Variants in CLPTM1L observed in about 807,000 individuals in gnomAD.
CLPTM1L encodes lipid scramblase CLPTM1L.
Under a neutral mutation model 70.9 loss-of-function variants are expected in CLPTM1L, and 38 were observed. The ratio of observed to expected loss-of-function variants is 0.54; its 90% confidence interval spans 0.41 to 0.70. The LOEUF (loss-of-function observed/expected upper bound fraction) is 0.70, where lower values mean the gene tolerates loss of function less well. CLPTM1L is among the 30% of genes least tolerant of loss of function. The pLI, the probability that CLPTM1L is intolerant of heterozygous loss-of-function variation, is 0.00. For synonymous variants in CLPTM1L, 339 were observed against 299.9 expected (o/e 1.13, Z -1.35); for missense variants, 652 against 705.9 (o/e 0.92, Z 0.87).
chr5:1,331,709 C>G (rs917428835), intron 8 of CLPTM1L, 90 bp downstream of exon 8: 10 of 1,117,528 alleles, frequency 8.9e-6, no homozygotes, highest in Non-Finnish European at 1.4e-5. Context: ...GTGTCTGCAG[C>G]CAGCAGTGAG....
intron 9 of CLPTM1L, 102 bp downstream of exon 9, chr5:1,330,178 C>T: frequency 1.1e-6 from 1 of 917,660 alleles, no homozygotes; most frequent in Non-Finnish European, 1.8e-6. Flanking sequence ...AACAAGCACA[C>T]AGGCTTCCAC....
intron 1 of CLPTM1L, 112 bp from the exon 2 acceptor site, chr5:1,344,563 G>T: frequency 6.9e-7 from 1 of 1,451,734 alleles, no homozygotes; most frequent in South Asian, 1.2e-5. Context: ...ACCAGGAAAG[G>T]TTCCATCTCG....
intron 8 of CLPTM1L, 175 bp from the exon 9 acceptor site, chr5:1,330,558 G>A: frequency 1.7e-6 from 1 of 593,356 alleles, no homozygotes; most frequent in South Asian, 2.1e-5. Flanking sequence ...TCAGCAGCTA[G>A]GAAAGTGTTT....
intron 8 of CLPTM1L, 96 bp from the exon 9 acceptor site, chr5:1,330,479 C>T: frequency 1.1e-6 from 1 of 920,472 alleles, no homozygotes. Flanking sequence ...CATCCCAACC[C>T]ACCACGCCCA....
intron 10 of CLPTM1L, chr5:1,325,428 C>T (rs1298591722): frequency 2.4e-6 from 1 of 409,218 alleles, no homozygotes; most frequent in African/African-American, 2.0e-5. Flanking sequence ...CCAGTCAGCA[C>T]CAGCCTCGGG....
At chr5:1,337,870 A>G (rs769555981) in intron 5 of CLPTM1L, 34 bp downstream of exon 5, 53 of 1,522,506 alleles carry the variant, frequency 3.5e-5, no homozygotes, top group Non-Finnish European at 4.0e-5. Flanking sequence ...GTGTCTCGCC[A>G]GCTGCACAAC....
intron 16 of CLPTM1L, 180 bp downstream of exon 16, chr5:1,320,436 G>T: frequency 2.0e-6 from 1 of 489,570 alleles, no homozygotes; most frequent in Non-Finnish European, 3.6e-6. Flanking sequence ...TTCTTGCCAG[G>T]ACATATCATG....
Position 1,344,271 on chromosome 5 carries a change from T to A in CLPTM1L, c.263+80A>T, listed in dbSNP as rs564765175. 3 of 944,528 alleles carry A rather than the reference T, an allele frequency of 3.2e-6. No homozygotes were observed. The African/African-American group carries it at 4.8e-5, about 15-fold the overall frequency. 58.5% of individuals were successfully genotyped at this position (944,528 alleles called of 1,614,324 possible). A position where few individuals can be genotyped will look rare whatever the true frequency, so the allele number is the denominator to read the frequency against. On this transcript the variant is annotated intron_variant, in intron 2 of 16. Transcript: ENST00000320895. ...CTAGTTCTCTAAAATAAACATGTTA[T>A]GTACAGAAAGCTAACTTTTAAACAA...
intron 7 of CLPTM1L, 55 bp from the exon 8 acceptor site, chr5:1,331,938 T>C (rs1277143788): frequency 9.7e-6 from 14 of 1,447,376 alleles, no homozygotes; most frequent in Admixed American, 1.7e-5. Flanking sequence ...CCATCTCCTG[T>C]GAGACAGAGA....
rs368342519 is a variant in CLPTM1L at position 1,334,295 on chromosome 5, C to A, written c.885G>T (p.Ala295=). 1 of 1,613,290 alleles carries A rather than the reference C, an allele frequency of 6.2e-7. No homozygotes were observed. The highest frequency in any genetic ancestry group is 1.7e-5 in the Admixed American group (1 of 59,990). The change falls in exon 7 of 17, where the codon GCG becomes GCT. Residue 295 remains alanine (A), a synonymous_variant. Coordinates refer to ENST00000320895, the MANE Select transcript of CLPTM1L (RefSeq NM_030782.5). ...YFLALTFFVA[A]FHLLFDFLAF... ...CCCCCGGTGGATGACTCACATGGAACGCTGCGACAAAGAAGGTCAGCGCCA... is the reference window on the plus strand; with the variant it reads ...CCCCCGGTGGATGACTCACATGGAAAGCTGCGACAAAGAAGGTCAGCGCCA...
At chr5:1,326,065 T>C (rs960068115) in intron 9 of CLPTM1L, 17 of 523,322 alleles carry the variant, frequency 3.2e-5, no homozygotes, top group African/African-American at 2.5e-4. Flanking sequence ...AAAAACAGCA[T>C]GTGAGGGCAG....
chr5:1,344,816 G>C lies in CLPTM1L; in HGVS notation c.26C>G (p.Thr9Ser). 1 of 1,586,818 alleles carries C rather than the reference G, an allele frequency of 6.3e-7. No individual in the cohort carries two copies. The highest frequency in any genetic ancestry group is 1.1e-5 in the South Asian group (1 of 87,400). ...CACGAACACGCCCACCACCAAGCTGGTGAAGGAGCTGCGGCCGCTCCACAT... is the reference window on the plus strand; with the variant it reads ...CACGAACACGCCCACCACCAAGCTGCTGAAGGAGCTGCGGCCGCTCCACAT... MWSGRSSF[T>S]SLVVGVFVVY... The change falls in exon 1 of 17, where the codon ACC becomes AGC. Residue 9 changes from threonine (T) to serine (S), a missense_variant. By Grantham distance (58) the Thr-to-Ser change is moderately conservative. Transcript: ENST00000320895.
chr5:1,334,981 T>C, intron 6 of CLPTM1L, 76 bp downstream of exon 6: 5 of 1,098,704 alleles, frequency 4.6e-6, no homozygotes, highest in Non-Finnish European at 6.9e-6. Context: ...CCCCGGCCTG[T>C]GTCAGGATTC....
chr5:1,324,760 T>C lies in CLPTM1L; in HGVS notation c.1197+3A>G. 6.2e-7 allele frequency: 1 copy of C among 1,614,024 alleles called. No homozygotes were observed. Among genetic ancestry groups the C allele is most frequent in the Non-Finnish European group, 8.5e-7 (1 of 1,179,844 alleles). The stretch of plus-strand genomic sequence containing the variant: ...CACGTGCCCTGAATCACAAGTGACT[T>C]ACCTGAGTATCGTACTCCTCGGTTT... On this transcript the variant is annotated splice_donor_region_variant and intron_variant, in intron 11 of 16. Coordinates refer to ENST00000320895, the MANE Select transcript of CLPTM1L (RefSeq NM_030782.5).
chr5:1,333,398 G>A (rs1405012180), intron 7 of CLPTM1L, among the ~76,000 whole-genome samples: 3 of 146,066 alleles, frequency 2.1e-5, no homozygotes, highest in East Asian at 2.0e-4. Flanking sequence ...AGGATAAGGG[G>A]GGACTACTGT....
chr5:1,339,953 C>T (rs1449062572), intron 3 of CLPTM1L, among the ~76,000 whole-genome samples: 2 of 151,320 alleles, frequency 1.3e-5, no homozygotes, highest in Non-Finnish European at 2.9e-5. Context: ...AAACCGCGCC[C>T]GGACAGCAGG....
rs1752087467 is a variant in CLPTM1L at position 1,320,529 on chromosome 5, C to T, written c.1532+87G>A. ...TTTCCCTCAAATGGATAAACAGGCG[C>T]AGGGTGCGGTGAAAGCCGTCATTCC... On this transcript the variant is annotated intron_variant, in intron 16 of 16. Transcript: ENST00000320895. 3 of 656,666 alleles carry T rather than the reference C, an allele frequency of 4.6e-6. No individual in the cohort carries two copies. The South Asian group carries it at 7.3e-5, about 16-fold the overall frequency. 40.7% of individuals were successfully genotyped at this position (656,666 alleles called of 1,614,324 possible). A position where few individuals can be genotyped will look rare whatever the true frequency, so the allele number is the denominator to read the frequency against.
At position 1,342,009 on chromosome 5, in the gene CLPTM1L, CGTGTGTGT is replaced by C. The variant is rs71598674; in HGVS notation, c.264-157_264-150del. On this transcript the variant is annotated intron_variant, in intron 2 of 16. Coordinates refer to ENST00000320895, the MANE Select transcript of CLPTM1L (RefSeq NM_030782.5). This position sits in a 1 kb window ranked among gnomAD's most constrained non-coding sequence, Gnocchi z 4.3. ...CCCACCTGCCCAGGGCTTTACGAGT[CGTGTGTGT>C]GTGTGTGTGTGTGTGTGTGTGTGCA... 45 of 503,206 alleles carry C rather than the reference CGTGTGTGT, an allele frequency of 8.9e-5. No homozygotes were observed. Among genetic ancestry groups the C allele is most frequent in the South Asian group, 1.3e-4 (5 of 38,696 alleles). The allele number at this position is 503,206 out of a possible 1,614,324, so 31.2% of individuals were successfully genotyped here.
intron 5 of CLPTM1L, among the ~76,000 whole-genome samples, chr5:1,335,807 G>A (rs1406229467): frequency 6.6e-6 from 1 of 152,202 alleles, no homozygotes; most frequent in Non-Finnish European, 1.5e-5. Flanking sequence ...GAGGTAGGAG[G>A]GTGAGGAACG....
Sources: allele counts gnomAD v4.1 joint callset (sites outside exome capture counted in the v4.1 genomes callset), GRCh38; gene constraint gnomAD v4.1.1; non-coding constraint Gnocchi (gnomAD v3.1); transcripts MANE v1.5; gene names NCBI Gene and HGNC (gene_info 2026-07-23, HGNC 2026-07-21).